MYO1B: variants seen among roughly 807,000 people sequenced by gnomAD.
MYO1B encodes unconventional myosin-Ib.
A neutral mutation model predicts 159.7 loss-of-function variants in MYO1B; 72 were observed. The observed-to-expected ratio is 0.45, with a 90% CI of 0.37 to 0.55. MYO1B has a LOEUF of 0.55. MYO1B is among the 20% of genes least tolerant of loss of function. The pLI, the probability that MYO1B is intolerant of heterozygous loss-of-function variation, is 0.00. For synonymous variants in MYO1B, 468 were observed against 473.8 expected, an observed-to-expected ratio of 0.99 and a Z score of 0.16; for missense variants, 1,062 against 1,364.8, an observed-to-expected ratio of 0.78 and a Z score of 3.50.
rs201317120 is a variant in MYO1B, at chr2:191,370,197, A to G, written c.1120-30A>G. ...TTGTAGTGTTATATTTCATGCCTTA[A>G]TTAACCCTTTAATTTGAAACTTTTT... On this transcript the variant is annotated intron_variant, in intron 12 of 30. Coordinates refer to ENST00000392318, the MANE Select transcript of MYO1B (RefSeq NM_001130158.3). The G allele has an allele frequency of 1.9e-4, 292 of 1,534,074 alleles. 1 individual carries two copies. Among genetic ancestry groups the G allele is most frequent in the Non-Finnish European group, 6.3e-6 (7 of 1,108,896 alleles).
chr2:191,403,817 G>T (rs1696751989), intron 24 of MYO1B, among the ~76,000 whole-genome samples: 1 of 152,142 alleles, frequency 6.6e-6, no homozygotes, highest in East Asian at 1.9e-4. Context: ...TCTATAACCG[G>T]TTTTTTTAAG....
intron 3 of MYO1B, among the ~76,000 whole-genome samples, chr2:191,316,528 G>C (rs1459632606): frequency 6.6e-6 from 1 of 152,158 alleles, no homozygotes; most frequent in South Asian, 2.1e-4. Context: ...GTATGTGTGT[G>C]TTTTAACCTT....
intron 28 of MYO1B, 53 bp from the exon 29 acceptor site, chr2:191,414,464 A>G: frequency 1.3e-6 from 2 of 1,507,316 alleles, no homozygotes; most frequent in East Asian, 2.3e-5. Context: ...CTCATGGACC[A>G]TTTTTGAGTA....
chr2:191,342,385 C>T (rs10168773), intron 5 of MYO1B, among the ~76,000 whole-genome samples: 3,349 of 152,260 alleles, frequency 0.022, 112 homozygotes, highest in African/African-American at 0.075. Flanking sequence ...AGGGCTTCAA[C>T]ATATGAATTT....
chr2:191,410,916 A>G (rs1014132043), intron 26 of MYO1B, 150 bp from the exon 27 acceptor site: 4 of 543,188 alleles, frequency 7.4e-6, no homozygotes, highest in African/African-American at 5.9e-5. Context: ...TAAAACCCAC[A>G]AGGGAAAAAT....
chr2:191,322,881 G>A (rs1690818446), intron 3 of MYO1B, among the ~76,000 whole-genome samples: 1 of 152,128 alleles, frequency 6.6e-6, no homozygotes, highest in Non-Finnish European at 1.5e-5. Flanking sequence ...AAGTTTATTA[G>A]AGAATCAGAG....
intron 1 of MYO1B, among the ~76,000 whole-genome samples, chr2:191,266,235 C>T (rs1687132885): frequency 6.6e-6 from 1 of 152,146 alleles, no homozygotes; most frequent in Non-Finnish European, 1.5e-5. Context: ...AGTAGGTAAG[C>T]TCTTCAGGGT....
chr2:191,386,844 A>G (rs140119168), intron 16 of MYO1B, among the ~76,000 whole-genome samples: 6 of 152,274 alleles, frequency 3.9e-5, no homozygotes, highest in African/African-American at 7.2e-5. Context: ...AAGTGTTAGT[A>G]TTGTTTCTAT....
intron 5 of MYO1B, among the ~76,000 whole-genome samples, chr2:191,343,258 C>T (rs772035631): frequency 7.2e-5 from 11 of 152,128 alleles, no homozygotes; most frequent in Non-Finnish European, 1.0e-4. Flanking sequence ...AGATTCAACA[C>T]GGATTAAAGC....
chr2:191,405,068 A>G (rs1263269443), intron 24 of MYO1B, among the ~76,000 whole-genome samples: 1 of 152,210 alleles, frequency 6.6e-6, no homozygotes, highest in African/African-American at 2.4e-5. Context: ...AATCCTCTCA[A>G]ACCTTGCCAC....
chr2:191,264,846 G>GT (rs142487906), intron 1 of MYO1B, among the ~76,000 whole-genome samples: 422 of 149,594 alleles, frequency 2.8e-3, no homozygotes, highest in African/African-American at 9.7e-3. Flanking sequence ...GTTGAGCCTT[G>GT]TTTTTTTTTG....
intron 30 of MYO1B, among the ~76,000 whole-genome samples, chr2:191,418,919 T>C (rs1697754358): frequency 6.6e-6 from 1 of 152,266 alleles, no homozygotes; most frequent in Non-Finnish European, 1.5e-5. Flanking sequence ...ATTTTAAGGA[T>C]AACCTGCAAG....
intron 1 of MYO1B, among the ~76,000 whole-genome samples, chr2:191,254,655 G>A (rs116418187): frequency 0.03 from 4,596 of 151,994 alleles, 111 homozygotes; most frequent in Non-Finnish European, 0.05. Context: ...ATTGGTGTGC[G>A]CCTCCATGCC....
At chr2:191,300,284 T>G (rs1355869124) in intron 3 of MYO1B, among the ~76,000 whole-genome samples, 1 of 105,868 alleles carries the variant, frequency 9.4e-6, no homozygotes, top group Non-Finnish European at 2.3e-5. Flanking sequence ...GACTACATAC[T>G]TTGAAAACTT....
chr2:191,246,927 G>A (rs1574249873), intron 1 of MYO1B, among the ~76,000 whole-genome samples: 1 of 152,220 alleles, frequency 6.6e-6, no homozygotes, highest in African/African-American at 2.4e-5. Flanking sequence ...CTCTCTGTGT[G>A]AGGATCGTTT....
chr2:191,380,978 G>A (rs1046124414), intron 13 of MYO1B: 5 of 260,670 alleles, frequency 1.9e-5, no homozygotes, highest in African/African-American at 4.4e-5. Flanking sequence ...ACACATGTTC[G>A]TATAACATGA....
intron 24 of MYO1B, among the ~76,000 whole-genome samples, chr2:191,404,909 G>C (rs1351606844): frequency 6.6e-6 from 1 of 152,202 alleles, no homozygotes; most frequent in African/African-American, 2.4e-5. Context: ...GCTGCTGAAG[G>C]TTGTGGTGGC....
chr2:191,382,746 G>A (rs1695118569), intron 14 of MYO1B, among the ~76,000 whole-genome samples: 1 of 152,152 alleles, frequency 6.6e-6, no homozygotes, highest in South Asian at 2.1e-4. Context: ...AGATTTTCAT[G>A]TCTTTCCTTA....
intron 8 of MYO1B, 92 bp downstream of exon 8, chr2:191,360,821 G>C: frequency 1.3e-5 from 11 of 863,534 alleles, no homozygotes; most frequent in Non-Finnish European, 1.8e-5. Context: ...TGCCCAGGCC[G>C]GTCTCTAATT....
Sources: gnomAD v4.1 joint callset for allele counts (sites outside exome capture counted in the v4.1 genomes callset) on GRCh38, gnomAD v4.1.1 for gene constraint, MANE v1.5 for transcripts, NCBI Gene and HGNC (gene_info 2026-07-23, HGNC 2026-07-21) for gene names.